Variants in ZSWIM4 observed in about 807,000 individuals in gnomAD.
The protein encoded by ZSWIM4 is zinc finger SWIM domain-containing protein 4.
Under a neutral mutation model 102.5 loss-of-function variants are expected in ZSWIM4, and 62 were observed. The ratio of observed to expected loss-of-function variants is 0.60; its 90% CI spans 0.49 to 0.75. The LOEUF is 0.75. Among genes scored for constraint, ZSWIM4 ranks in the 30% least tolerant of loss-of-function variants. The pLI is 0.00. For synonymous variants in ZSWIM4, 652 were observed against 674.5 expected (o/e 0.97, Z 0.52); for missense variants, 1,280 against 1,529.6 (o/e 0.84, Z 2.72).
chr19:13,804,905 T>C lies in ZSWIM4; in HGVS notation c.469T>C (p.Cys157Arg). 6.2e-7 allele frequency: 1 copy of C among 1,613,620 alleles called. No individual in the cohort carries two copies. The highest frequency in any genetic ancestry group is 1.1e-5 in the South Asian group (1 of 91,086). Residue 157 changes from cysteine (C) to arginine (R), a missense_variant, in exon 3 of 14, where the codon TGT (cysteine) becomes CGT (arginine). Coordinates refer to ENST00000590508, the MANE Select transcript of ZSWIM4 (RefSeq NM_001367834.3). The stretch of plus-strand genomic sequence containing the variant: ...CAAGATCACGTCCGTGAGCTGCGGC[T>C]GTGACAACCGCGACCTCTTCTACTG... Reference protein sequence around the residue: ...RCKITSVSCGCDNRDLFYCAH... With the variant: ...RCKITSVSCGRDNRDLFYCAH...
rs1164645427 is a variant in ZSWIM4, at chr19:13,814,852, G to A, written c.1518G>A (p.Lys506=). The change falls in exon 7 of 14, where the codon AAG becomes AAA. Residue 506 remains lysine, a synonymous_variant. Coordinates refer to ENST00000590508, the MANE Select transcript of ZSWIM4 (RefSeq NM_001367834.3). ...LQQRHQLESY[K]QQKKELLQKG... ...AGCGGCATCAGCTAGAGAGCTACAA[G>A]CAGCAGAAAAAAGGTCAGCCTCAGC... The A allele has an allele frequency of 4.0e-6, 5 of 1,251,028 alleles. No homozygotes were observed. The African/African-American group carries it at 4.6e-5, about 12-fold the overall frequency. The allele number at this position is 1,251,028 out of a possible 1,614,324, so 77.5% of individuals were successfully genotyped here. A position where few individuals can be genotyped will look rare whatever the true frequency, so the allele number is the denominator to read the frequency against.
chr19:13,831,081 C>T lies in ZSWIM4; in HGVS notation c.*31C>T. ...AGTGGGGTGCGTGGGAGTGGGGATC[C>T]CCCTCGCCCCTGCGTCCCCCACCCT... is the stretch of plus-strand genomic sequence containing the variant. On this transcript the variant is annotated 3_prime_UTR_variant, in exon 14 of 14. Transcript: ENST00000590508. 2 of 1,527,246 alleles carry T rather than the reference C, an allele frequency of 1.3e-6. No homozygotes were observed. Among genetic ancestry groups the T allele is most frequent in the Non-Finnish European group, 1.7e-6 (2 of 1,143,298 alleles). 94.6% of individuals were successfully genotyped at this position (1,527,246 alleles called of 1,614,324 possible). A position where few individuals can be genotyped will look rare whatever the true frequency, so the allele number is the denominator to read the frequency against.
intron 7 of ZSWIM4, 149 bp from the exon 8 acceptor site, chr19:13,817,067 C>CAAA: frequency 3.1e-6 from 3 of 974,314 alleles, no homozygotes; most frequent in African/African-American, 3.3e-5. Context: ...GACCCCACCT[C>CAAA]AAAAAAAAAA....
chr19:13,821,083 A>C (rs1975449696), intron 10 of ZSWIM4, among the ~76,000 whole-genome samples: 1 of 152,156 alleles, frequency 6.6e-6, no homozygotes, highest in Admixed American at 6.6e-5. Context: ...CATGAGTTTG[A>C]GACCAGCCTG....
At position 13,814,536 on chromosome 19, in the gene ZSWIM4, T is replaced by G. The variant is rs114512581; in HGVS notation, c.1202T>G (p.Val401Gly). ...GCAGGCTCGGAGGAAGAGGAAGAGG[T>G]GGCAGCCACAAGTCCCCGCCACACG... Reference protein sequence around the residue: ...PAPGSEEEEEVAATSPRHTVF... With the variant: ...PAPGSEEEEEGAATSPRHTVF... Residue 401 changes from valine to glycine, a missense_variant, in exon 7 of 14, where the codon GTG becomes GGG. Physicochemically the swap from Val to Gly is moderately radical, Grantham distance 109. Coordinates refer to ENST00000590508, the MANE Select transcript of ZSWIM4 (RefSeq NM_001367834.3). The G allele has an allele frequency of 2.5e-3, 2,861 of 1,150,618 alleles. 45 individuals are homozygous for G. In the African/African-American group the frequency reaches 0.039, roughly 16 times the overall value. 71.3% of individuals were successfully genotyped at this position (1,150,618 alleles called of 1,614,324 possible).
Position 13,831,816 on chromosome 19 carries a change from A to C in ZSWIM4, c.*766A>C, listed in dbSNP as rs1021880953. 7 of 151,762 alleles carry C rather than the reference A, an allele frequency of 4.6e-5. No individual in the cohort carries two copies. The highest frequency in any genetic ancestry group is 1.7e-4 in the African/African-American group (7 of 41,214). 9.4% of individuals were successfully genotyped at this position (151,762 alleles called of 1,614,324 possible). On this transcript the variant is annotated 3_prime_UTR_variant, in exon 14 of 14. Transcript: ENST00000590508. ...CACCCCCGATCTGGAAAGGAAAGAGACCTGTATCTTGGTGTTTTTCTGGCT... is the reference window on the plus strand; with the variant it reads ...CACCCCCGATCTGGAAAGGAAAGAGCCCTGTATCTTGGTGTTTTTCTGGCT...
Position 13,831,087 on chromosome 19 carries a change from G to T in ZSWIM4, c.*37G>T. 6.6e-7 allele frequency: 1 copy of T among 1,521,808 alleles called. No individual in the cohort carries two copies. The highest frequency in any genetic ancestry group is 1.3e-5 in the South Asian group (1 of 78,166). The allele number at this position is 1,521,808 out of a possible 1,614,324, so 94.3% of individuals were successfully genotyped here. On this transcript the variant is annotated 3_prime_UTR_variant, in exon 14 of 14. Transcript: ENST00000590508. Reference sequence around the variant, plus strand: ...GTGCGTGGGAGTGGGGATCCCCCTCGCCCCTGCGTCCCCCACCCTTGCTCT... The same window carrying T: ...GTGCGTGGGAGTGGGGATCCCCCTCTCCCCTGCGTCCCCCACCCTTGCTCT...
intron 2 of ZSWIM4, among the ~76,000 whole-genome samples, chr19:13,801,601 T>C (rs948054901): frequency 1.7e-4 from 26 of 152,028 alleles, no homozygotes; most frequent in Non-Finnish European, 3.5e-4. Context: ...CTTAGAGCTA[T>C]TGTTGAGCAA....
At chr19:13,804,660 A>AT in intron 2 of ZSWIM4, 132 bp from the exon 3 acceptor site, 1 of 726,508 alleles carries the variant, frequency 1.4e-6, no homozygotes, top group Non-Finnish European at 2.2e-6. Context: ...AAAAAAAAAA[A>AT]TGCAAAGTGA....
chr19:13,825,620 T>C lies in ZSWIM4; in HGVS notation c.2286T>C (p.Phe762=), dbSNP rs1385175979. 1.2e-6 allele frequency: 2 copies of C among 1,614,156 alleles called. No individual in the cohort carries two copies. The highest frequency in any genetic ancestry group is 1.7e-5 in the Admixed American group (1 of 60,030). Reference sequence around the variant, plus strand: ...ACATCCACTCTCCGGCCCTGCTCTTTAAGCTGGCGCAGGACGCCTGCAAGA... The same window carrying C: ...ACATCCACTCTCCGGCCCTGCTCTTCAAGCTGGCGCAGGACGCCTGCAAGA... ...QQNIHSPALL[F]KLAQDACKTA... Residue 762 remains phenylalanine (F), a synonymous_variant, in exon 12 of 14, where the codon TTT becomes TTC. Coordinates refer to ENST00000590508, the MANE Select transcript of ZSWIM4 (RefSeq NM_001367834.3). This position sits in a 1 kb window ranked among gnomAD's most constrained non-coding sequence, Gnocchi z 4.6.
At chr19:13,816,928 C>T (rs768134604) in intron 7 of ZSWIM4, among the ~76,000 whole-genome samples, 8 of 152,084 alleles carry the variant, frequency 5.3e-5, no homozygotes, top group Non-Finnish European at 1.2e-4. Flanking sequence ...TAGAAAGCGT[C>T]CAGTGGCCAG....
intron 6 of ZSWIM4, 76 bp downstream of exon 6, chr19:13,813,240 C>A: frequency 7.9e-7 from 1 of 1,263,186 alleles, no homozygotes; most frequent in Non-Finnish European, 1.1e-6. Context: ...CATCATGGTC[C>A]TCTTCCCAGG....
intron 2 of ZSWIM4, among the ~76,000 whole-genome samples, chr19:13,803,806 G>GA (rs36078549): frequency 1.4e-3 from 97 of 67,568 alleles, no homozygotes; most frequent in South Asian, 2.0e-3. Flanking sequence ...CTCTGTCTCA[G>GA]AAAAAAAAAA....
chr19:13,830,633 C>T lies in ZSWIM4; in HGVS notation c.2904C>T (p.Cys968=). ...HPAVNDVLWA[C]SLSHSLGRHE... is the part of the protein sequence containing the mutation. Reference sequence around the variant, plus strand: ...CCGTCAACGACGTGCTTTGGGCCTGCTCTCTCAGCCACTCCCTGGGCCGGC... The same window carrying T: ...CCGTCAACGACGTGCTTTGGGCCTGTTCTCTCAGCCACTCCCTGGGCCGGC... The change falls in exon 14 of 14, where the codon TGC becomes TGT. Residue 968 remains cysteine, a synonymous_variant. Coordinates refer to ENST00000590508, the MANE Select transcript of ZSWIM4 (RefSeq NM_001367834.3). The T allele has an allele frequency of 6.2e-7, 1 of 1,600,894 alleles. No homozygotes were observed. The highest frequency in any genetic ancestry group is 8.5e-7 in the Non-Finnish European group (1 of 1,179,756).
intron 6 of ZSWIM4, among the ~76,000 whole-genome samples, chr19:13,813,442 T>C (rs1215384952): frequency 6.6e-6 from 1 of 151,876 alleles, no homozygotes; most frequent in Non-Finnish European, 1.5e-5. Flanking sequence ...TTCTGCTAGC[T>C]ATGGGACCAA....
chr19:13,802,819 T>G (rs1974810294), intron 2 of ZSWIM4, among the ~76,000 whole-genome samples: 1 of 152,084 alleles, frequency 6.6e-6, no homozygotes, highest in Non-Finnish European at 1.5e-5. Context: ...GCTCAAGAGA[T>G]CCTCCTGCCA....
At position 13,799,740 on chromosome 19, in the gene ZSWIM4, G is replaced by A; in HGVS notation, c.174G>A (p.Arg58=). 1 of 1,614,020 alleles carries A rather than the reference G, an allele frequency of 6.2e-7. No individual in the cohort carries two copies. The highest frequency in any genetic ancestry group is 8.5e-7 in the Non-Finnish European group (1 of 1,180,000). ...TACAGGTGGAGGAGCGGTTCTCCCGGGTGCCTGAGCCCGTCCAGAAGCGCA... is the reference window on the plus strand; with the variant it reads ...TACAGGTGGAGGAGCGGTTCTCCCGAGTGCCTGAGCCCGTCCAGAAGCGCA... ...AFEQVEERFS[R]VPEPVQKRIV... The change falls in exon 2 of 14, where the codon CGG becomes CGA. Residue 58 remains arginine (R), a synonymous_variant. Coordinates refer to ENST00000590508, the MANE Select transcript of ZSWIM4 (RefSeq NM_001367834.3).
Position 13,825,549 on chromosome 19 carries a change from G to A in ZSWIM4, c.2216-1G>A. ...TGTCCTCTGTCCCGCCCTTCACCCA[G>A]GAGACCCCAAGTGGCTGCACACGGT... On this transcript the variant is annotated splice_acceptor_variant, in intron 11 of 13. Coordinates refer to ENST00000590508, the MANE Select transcript of ZSWIM4 (RefSeq NM_001367834.3). LOFTEE classifies it high-confidence loss of function. The surrounding 1 kb of genome is among the most constrained non-coding windows in gnomAD (Gnocchi z 4.6). 1 of 1,613,630 alleles carries A rather than the reference G, an allele frequency of 6.2e-7. No homozygotes were observed. The highest frequency in any genetic ancestry group is 8.5e-7 in the Non-Finnish European group (1 of 1,179,652).
chr19:13,808,671 A>C (rs1209792950), intron 3 of ZSWIM4, among the ~76,000 whole-genome samples, 165 bp from the exon 4 acceptor site: 2 of 150,192 alleles, frequency 1.3e-5, no homozygotes, highest in Non-Finnish European at 3.0e-5. Flanking sequence ...CCCGGGAGGC[A>C]GAGGTTGTAG....
Sources: allele counts gnomAD v4.1 joint callset (sites outside exome capture counted in the v4.1 genomes callset), GRCh38; gene constraint gnomAD v4.1.1; non-coding constraint Gnocchi (gnomAD v3.1); transcripts MANE v1.5; gene names NCBI Gene and HGNC (gene_info 2026-07-23, HGNC 2026-07-21).